The following TEAD1 variants were observed in gnomAD, a reference collection of about 807,000 sequenced individuals.
TEAD1 encodes the protein TEA domain transcription factor 1.
In TEAD1, 9 loss-of-function variants were observed where a neutral mutation model predicts 54.9. The ratio of observed to expected loss-of-function variants is 0.16; its 90% CI spans 0.10 to 0.29. The LOEUF is 0.29. Among genes scored for constraint, TEAD1 ranks in the 10% least tolerant of loss-of-function variants. The probability of loss-of-function intolerance (pLI) is 1.00; values close to 1 mark genes in which losing one functional copy is unlikely to be tolerated. For missense variants in TEAD1, 387 were observed against 535.9 expected, an observed-to-expected ratio of 0.72 and a Z score of 2.74; for synonymous variants, 200 against 187.8, an observed-to-expected ratio of 1.07 and a Z score of -0.53.
At position 12,879,824 on chromosome 11, in the gene TEAD1, C is replaced by A. The variant is rs1339312045; in HGVS notation, c.447C>A (p.Thr149=). The A allele has an allele frequency of 6.2e-7, 1 of 1,613,788 alleles. No individual in the cohort carries two copies. The highest frequency in any genetic ancestry group is 2.2e-5 in the East Asian group (1 of 44,882). Residue 149 remains threonine (T), a synonymous_variant, in exon 6 of 13, where the codon ACC becomes ACA. Coordinates refer to ENST00000527636, the MANE Select transcript of TEAD1 (RefSeq NM_021961.6). ...GGCTGCCTGGGATTCCACGCCCGACCTTCCCAGGGGCGCCGGGGGTAAGTC... is the reference window on the plus strand; with the variant it reads ...GGCTGCCTGGGATTCCACGCCCGACATTCCCAGGGGCGCCGGGGGTAAGTC...
At chr11:12,816,121 G>C (rs891240689) in intron 3 of TEAD1, among the ~76,000 whole-genome samples, 3 of 152,216 alleles carry the variant, frequency 2.0e-5, no homozygotes, top group African/African-American at 7.2e-5. Flanking sequence ...GCTGATGCCA[G>C]GTGGCTTGTG....
chr11:12,786,068 C>T (rs896244665), intron 3 of TEAD1, among the ~76,000 whole-genome samples: 4 of 152,278 alleles, frequency 2.6e-5, no homozygotes, highest in Non-Finnish European at 2.9e-5. Context: ...CCCTGGGCTC[C>T]TGACAGGTGT....
intron 2 of TEAD1, among the ~76,000 whole-genome samples, chr11:12,758,998 C>G (rs1200958935): frequency 6.6e-6 from 1 of 152,116 alleles, no homozygotes; most frequent in East Asian, 1.9e-4. Flanking sequence ...AGCTCTTCTC[C>G]TGTGACCTCA....
chr11:12,842,554 T>C lies in TEAD1; in HGVS notation c.203-19696T>C, dbSNP rs561980198. ...GAAATGCAGGGTGACTTTTAAGAGA[T>C]TTCTCTGTCGTTTCTCAAGCATTCT... On this transcript the variant is annotated intron_variant, in intron 3 of 12. Coordinates refer to ENST00000527636, the MANE Select transcript of TEAD1 (RefSeq NM_021961.6). Among the ~76,000 whole-genome samples, 5 of 152,258 alleles carry C rather than the reference T, an allele frequency of 3.3e-5. No individual in the cohort carries two copies. In the East Asian group the frequency reaches 7.7e-4, roughly 24 times the overall value.
At chr11:12,829,246 C>G (rs1461717658) in intron 3 of TEAD1, among the ~76,000 whole-genome samples, 1 of 152,158 alleles carries the variant, frequency 6.6e-6, no homozygotes, top group African/African-American at 2.4e-5. Flanking sequence ...ATTCTCAGAG[C>G]TTTCCGTGGT....
chr11:12,751,128 TAGTG>T (rs1335662471), intron 2 of TEAD1, among the ~76,000 whole-genome samples: 9 of 151,624 alleles, frequency 5.9e-5, no homozygotes, highest in East Asian at 5.8e-4. Context: ...CTGGGCAACA[TAGTG>T]AGGCCAAAAA....
chr11:12,689,182 T>TC (rs1472985234), intron 2 of TEAD1, among the ~76,000 whole-genome samples: 6 of 152,158 alleles, frequency 3.9e-5, no homozygotes, highest in Non-Finnish European at 8.8e-5. Flanking sequence ...TCTTATCACT[T>TC]TAAGATCTCA....
At chr11:12,754,143 G>C (rs1051826578) in intron 2 of TEAD1, among the ~76,000 whole-genome samples, 2 of 152,130 alleles carry the variant, frequency 1.3e-5, no homozygotes, top group African/African-American at 4.8e-5. Context: ...TTTGCATTGA[G>C]GTTTCATATT....
chr11:12,830,478 TC>T (rs768727864), intron 3 of TEAD1, among the ~76,000 whole-genome samples: 3 of 152,052 alleles, frequency 2.0e-5, no homozygotes, highest in Non-Finnish European at 4.4e-5. Context: ...GCAGAGACCC[TC>T]CTTTTTAGAA....
intron 3 of TEAD1, among the ~76,000 whole-genome samples, chr11:12,855,819 C>T (rs1947364912): frequency 6.6e-6 from 1 of 151,700 alleles, no homozygotes; most frequent in Non-Finnish European, 1.5e-5. Context: ...TGTGGTGTAC[C>T]TGCCTGTGGT....
chr11:12,768,068 G>T (rs544606692), intron 3 of TEAD1, among the ~76,000 whole-genome samples: 1 of 152,274 alleles, frequency 6.6e-6, no homozygotes, highest in Non-Finnish European at 1.5e-5. Context: ...GAAAATCCCA[G>T]TCAGATAGAC....
chr11:12,718,342 G>A lies in TEAD1; in HGVS notation c.-55+42781G>A, dbSNP rs118184121. 4.0e-3 allele frequency among the ~76,000 whole-genome samples: 612 copies of A among 152,146 alleles called. 2 individuals are homozygous for A. Among genetic ancestry groups the A allele is most frequent in the Non-Finnish European group, 6.5e-3 (443 of 68,004 alleles). ...AAATAGAGATAATCAGGTGTCCCCC[G>A]GCCCCTCACAGGATTGTCTTGGGGG... On this transcript the variant is annotated intron_variant, in intron 2 of 12. Transcript: ENST00000527636.
At chr11:12,689,075 A>T (rs1267469939) in intron 2 of TEAD1, among the ~76,000 whole-genome samples, 1 of 148,552 alleles carries the variant, frequency 6.7e-6, no homozygotes, top group African/African-American at 2.5e-5. Flanking sequence ...TTGACAGGCT[A>T]TTTCCCTTTT....
intron 3 of TEAD1, among the ~76,000 whole-genome samples, chr11:12,840,484 A>G (rs1947012200): frequency 6.6e-6 from 1 of 152,130 alleles, no homozygotes; most frequent in African/African-American, 2.4e-5. Context: ...AAATTCATGT[A>G]CTGGGGTTGA....
At chr11:12,777,809 A>G (rs2133944002) in intron 3 of TEAD1, among the ~76,000 whole-genome samples, 1 of 152,322 alleles carries the variant, frequency 6.6e-6, no homozygotes, top group Middle Eastern at 3.4e-3. Flanking sequence ...TGTATTAGGA[A>G]GCATTCTCTC....
intron 3 of TEAD1, among the ~76,000 whole-genome samples, chr11:12,813,492 C>G (rs759542724): frequency 6.6e-6 from 1 of 152,176 alleles, no homozygotes; most frequent in Non-Finnish European, 1.5e-5. Context: ...TCCCATACTT[C>G]ATGTGTGTAT....
chr11:12,723,376 A>G (rs998642461), intron 2 of TEAD1, among the ~76,000 whole-genome samples: 1 of 152,236 alleles, frequency 6.6e-6, no homozygotes, highest in African/African-American at 2.4e-5. Context: ...GGTTGAGGTC[A>G]GATTTTCTGT....
intron 10 of TEAD1, among the ~76,000 whole-genome samples, chr11:12,924,269 AGT>A (rs1948867544): frequency 6.6e-6 from 1 of 152,160 alleles, no homozygotes; most frequent in South Asian, 2.1e-4. Context: ...TGCAACTCTA[AGT>A]ATCTCTGACA....
chr11:12,824,933 G>A (rs1466912342), intron 3 of TEAD1, among the ~76,000 whole-genome samples: 3 of 152,166 alleles, frequency 2.0e-5, no homozygotes, highest in African/African-American at 7.2e-5. Context: ...AGATGGTGCT[G>A]TTTTTTCATA....
Sources: gnomAD v4.1 joint callset for allele counts (sites outside exome capture counted in the v4.1 genomes callset) on GRCh38, gnomAD v4.1.1 for gene constraint, MANE v1.5 for transcripts, NCBI Gene and HGNC (gene_info 2026-07-23, HGNC 2026-07-21) for gene names.